PLXNA4: variants seen among roughly 807,000 people sequenced by gnomAD.
PLXNA4 encodes the protein plexin-A4.
Under a neutral mutation model 191.8 loss-of-function variants are expected in PLXNA4, and 44 were observed. That is an observed-to-expected ratio of 0.23 (90% CI 0.18 to 0.29). The LOEUF (loss-of-function observed/expected upper bound fraction) is 0.29. PLXNA4 is among the 10% of genes least tolerant of loss of function. The pLI, the probability that PLXNA4 is intolerant of heterozygous loss-of-function variation, is 1.00. For missense variants in PLXNA4, 1,800 were observed against 2,488.8 expected, an observed-to-expected ratio of 0.72 and a Z score of 5.89; for synonymous variants, 1,082 against 1,009.5, an observed-to-expected ratio of 1.07 and a Z score of -1.36.
chr7:132,192,858 T>G (rs77913728), intron 14 of PLXNA4, among the ~76,000 whole-genome samples: 2 of 152,126 alleles, frequency 1.3e-5, no homozygotes, highest in East Asian at 3.9e-4. Flanking sequence ...AGGCAGCCTT[T>G]GAAGGGATGA....
intron 3 of PLXNA4, among the ~76,000 whole-genome samples, chr7:132,317,659 T>C (rs933870748): frequency 6.6e-6 from 1 of 152,222 alleles, no homozygotes; most frequent in African/African-American, 2.4e-5. Flanking sequence ...TCTTCCCTGA[T>C]TACTTTTATT....
At chr7:132,335,130 T>G (rs1362093259) in intron 3 of PLXNA4, among the ~76,000 whole-genome samples, 1 of 152,230 alleles carries the variant, frequency 6.6e-6, no homozygotes, top group Non-Finnish European at 1.5e-5. Context: ...ATTGTTTGTG[T>G]TTCACCAAAA....
intron 3 of PLXNA4, among the ~76,000 whole-genome samples, chr7:132,310,686 T>C (rs1801694668): frequency 6.6e-6 from 1 of 152,186 alleles, no homozygotes; most frequent in African/African-American, 2.4e-5. Flanking sequence ...GCAATTTCCT[T>C]GACAAATAAA....
intron 3 of PLXNA4, among the ~76,000 whole-genome samples, chr7:132,397,495 C>T (rs928171418): frequency 6.6e-6 from 1 of 152,214 alleles, no homozygotes; most frequent in Non-Finnish European, 1.5e-5. Flanking sequence ...ACCACACACT[C>T]ATGAGAGCCC....
intron 20 of PLXNA4, among the ~76,000 whole-genome samples, chr7:132,178,773 AC>A (rs1796572364): frequency 7.2e-6 from 1 of 138,372 alleles, no homozygotes; most frequent in East Asian, 2.1e-4. Flanking sequence ...ACACACACAC[AC>A]AGCCTCCAGC....
intron 3 of PLXNA4, chr7:132,384,447 A>G (rs1805030589): frequency 1.5e-5 from 15 of 985,522 alleles, no homozygotes; most frequent in Non-Finnish European, 1.8e-5. Context: ...GGAATTATGG[A>G]ATTGTGCTGG....
intron 4 of PLXNA4, among the ~76,000 whole-genome samples, chr7:132,289,142 G>T: frequency 6.6e-6 from 1 of 152,182 alleles, no homozygotes; most frequent in East Asian, 1.9e-4. Flanking sequence ...CCTCCAGAGA[G>T]GCTGGCTTCA....
chr7:132,257,775 C>T (rs1398524096), intron 4 of PLXNA4, among the ~76,000 whole-genome samples: 1 of 152,136 alleles, frequency 6.6e-6, no homozygotes, highest in Non-Finnish European at 1.5e-5. Flanking sequence ...AAGGGAAGGC[C>T]GTGGGCTGGT....
rs1180792848 is a variant in PLXNA4 at position 132,211,160 on chromosome 7, T to C, written c.2098-17A>G. 10 of 1,549,576 alleles carry C rather than the reference T, an allele frequency of 6.5e-6. No individual in the cohort carries two copies. The highest frequency in any genetic ancestry group is 8.7e-6 in the Non-Finnish European group (10 of 1,145,556). On this transcript the variant is annotated splice_polypyrimidine_tract_variant and intron_variant, in intron 9 of 31. Coordinates refer to ENST00000321063, the MANE Select transcript of PLXNA4 (RefSeq NM_020911.2). ...GGGGCAGTCCTGGGGACAGAGGGCA[T>C]GGCTCAGGCTGGGCAGCCAGGAAAC...
intron 4 of PLXNA4, among the ~76,000 whole-genome samples, chr7:132,245,145 T>G (rs1206603763): frequency 6.6e-6 from 1 of 151,194 alleles, no homozygotes; most frequent in Non-Finnish European, 1.5e-5. Context: ...CCAGGCATGC[T>G]AATTAACTGA....
chr7:132,204,510 A>C (rs1488348015), intron 10 of PLXNA4, among the ~76,000 whole-genome samples: 1 of 152,234 alleles, frequency 6.6e-6, no homozygotes, highest in African/African-American at 2.4e-5. Flanking sequence ...AAGTTAGTCC[A>C]GAGGACCAGG....
chr7:132,485,554 A>G (rs1797523734), intron 3 of PLXNA4, among the ~76,000 whole-genome samples: 1 of 152,220 alleles, frequency 6.6e-6, no homozygotes, highest in African/African-American at 2.4e-5. Context: ...CTTCTGAGAC[A>G]ACACTGAGCT....
intron 25 of PLXNA4, among the ~76,000 whole-genome samples, chr7:132,149,497 GACACACATAAACTCATGCAGC>G (rs997836793): frequency 2.0e-5 from 3 of 152,142 alleles, no homozygotes; most frequent in African/African-American, 7.2e-5. Flanking sequence ...GTGCATGTCA[GACACACATAAACTCATGCAGC>G]ACACACATGT....
intron 25 of PLXNA4, among the ~76,000 whole-genome samples, chr7:132,156,581 G>C (rs970894239): frequency 2.0e-5 from 3 of 152,252 alleles, no homozygotes; most frequent in Admixed American, 2.0e-4. Flanking sequence ...AGTGGGAGAA[G>C]AAAGCACAGC....
At chr7:132,356,047 G>A (rs767768599) in intron 3 of PLXNA4, among the ~76,000 whole-genome samples, 9 of 152,136 alleles carry the variant, frequency 5.9e-5, no homozygotes, top group East Asian at 1.9e-4. Context: ...CCTTTTGAAC[G>A]TGCATTAATG....
At chr7:132,276,283 T>C (rs1584934500) in intron 4 of PLXNA4, among the ~76,000 whole-genome samples, 2 of 152,278 alleles carry the variant, frequency 1.3e-5, no homozygotes, top group East Asian at 3.9e-4. Context: ...ACCACCTTCC[T>C]TCTCATTCTC....
chr7:132,549,747 A>G (rs1307466544), intron 1 of PLXNA4, among the ~76,000 whole-genome samples: 1 of 142,466 alleles, frequency 7.0e-6, no homozygotes, highest in African/African-American at 2.6e-5. Context: ...TTACTGCTAC[A>G]TCTTTAATAT....
In PLXNA4 at chr7:132,283,979, G is replaced by A. The variant is rs190187226; in HGVS notation, c.1503+14112C>T. Reference sequence around the variant, plus strand: ...CACTTAAGCCCAGGAGGAGCCCAGCGTGTACAACACAGCAAGACCTCATCT... The same window carrying A: ...CACTTAAGCCCAGGAGGAGCCCAGCATGTACAACACAGCAAGACCTCATCT... On this transcript the variant is annotated intron_variant, in intron 4 of 31. Transcript: ENST00000321063. Among the ~76,000 whole-genome samples, 24 of 152,250 alleles carry A rather than the reference G, an allele frequency of 1.6e-4. No individual in the cohort carries two copies. The East Asian group carries it at 2.3e-3, about 15-fold the overall frequency.
At chr7:132,220,219 G>A (rs1798098879) in intron 9 of PLXNA4, among the ~76,000 whole-genome samples, 1 of 152,202 alleles carries the variant, frequency 6.6e-6, no homozygotes, top group South Asian at 2.1e-4. Flanking sequence ...GAGTCAGTCA[G>A]TAGTCCACAC....
Sources: gnomAD v4.1 joint callset for allele counts (sites outside exome capture counted in the v4.1 genomes callset) on GRCh38, gnomAD v4.1.1 for gene constraint, MANE v1.5 for transcripts, NCBI Gene and HGNC (gene_info 2026-07-23, HGNC 2026-07-21) for gene names.